PHKB: variants seen among roughly 807,000 people sequenced by gnomAD.
PHKB encodes the protein phosphorylase kinase regulatory subunit beta, also known as phosphorylase b kinase regulatory subunit beta.
In PHKB, 122 loss-of-function variants were observed where a neutral mutation model predicts 152.1. The ratio of observed to expected loss-of-function variants is 0.80; its 90% CI spans 0.69 to 0.93. The LOEUF (loss-of-function observed/expected upper bound fraction) is 0.93, where lower values mean the gene tolerates loss of function less well. PHKB is among the 40% of genes least tolerant of loss of function. The pLI is 0.00. For missense variants in PHKB, 1,304 were observed against 1,328.4 expected (o/e 0.98, Z 0.29); for synonymous variants, 436 against 464.9 (o/e 0.94, Z 0.80).
chr16:47,692,842 T>A (rs1974085534), intron 27 of PHKB, among the ~76,000 whole-genome samples: 1 of 152,200 alleles, frequency 6.6e-6, no homozygotes. Flanking sequence ...TTTAGCTATG[T>A]CTAAATAGCA....
intron 14 of PHKB, among the ~76,000 whole-genome samples, chr16:47,621,384 A>G (rs371207192): frequency 1.3e-5 from 2 of 152,150 alleles, no homozygotes; most frequent in Non-Finnish European, 2.9e-5. Flanking sequence ...CTCCTACAAT[A>G]TGGACTTGTA....
At chr16:47,670,695 G>A (rs1973622374) in intron 26 of PHKB, among the ~76,000 whole-genome samples, 1 of 151,946 alleles carries the variant, frequency 6.6e-6, no homozygotes, top group South Asian at 2.1e-4. Flanking sequence ...TCACCATGTT[G>A]GCCAAGCTGG....
chr16:47,648,713 A>G (rs922772384), intron 17 of PHKB, 97 bp downstream of exon 17: 21 of 800,156 alleles, frequency 2.6e-5, no homozygotes, highest in Non-Finnish European at 4.7e-5. Flanking sequence ...CATTTTCATT[A>G]TGTACTCAGA....
At chr16:47,629,754 G>A (rs1478840236) in intron 14 of PHKB, among the ~76,000 whole-genome samples, 1 of 152,160 alleles carries the variant, frequency 6.6e-6, no homozygotes, top group Non-Finnish European at 1.5e-5. Context: ...ATTCACAATA[G>A]CAAAGACTTG....
intron 7 of PHKB, among the ~76,000 whole-genome samples, chr16:47,578,136 CTATTA>C (rs1971780526): frequency 6.6e-6 from 1 of 152,142 alleles, no homozygotes; most frequent in African/African-American, 2.4e-5. Flanking sequence ...TTTATTTACA[CTATTA>C]TATTTCTCAA....
At chr16:47,688,984 C>A in intron 26 of PHKB, 57 bp from the exon 27 acceptor site, 1 of 1,590,546 alleles carries the variant, frequency 6.3e-7, no homozygotes, top group Non-Finnish European at 8.6e-7. Flanking sequence ...CTGAGAGAAG[C>A]AGAAGGTGAT....
intron 16 of PHKB, 102 bp downstream of exon 16, chr16:47,641,794 G>T: frequency 1.4e-6 from 1 of 734,982 alleles, no homozygotes; most frequent in South Asian, 1.4e-5. Context: ...ATCTGATTCT[G>T]ATATAGGACC....
intron 7 of PHKB, among the ~76,000 whole-genome samples, chr16:47,553,953 C>G (rs1971320132): frequency 6.6e-6 from 1 of 152,140 alleles, no homozygotes; most frequent in African/African-American, 2.4e-5. Flanking sequence ...AGCTGGATCT[C>G]TCCTGTATGA....
intron 10 of PHKB, among the ~76,000 whole-genome samples, chr16:47,591,527 A>G (rs1315202202): frequency 2.0e-5 from 3 of 151,250 alleles, no homozygotes; most frequent in Non-Finnish European, 4.4e-5. Context: ...TTTATTCTCC[A>G]CTTCTCTCAC....
intron 7 of PHKB, among the ~76,000 whole-genome samples, chr16:47,551,171 A>G (rs1025580109): frequency 1.3e-5 from 2 of 151,976 alleles, no homozygotes; most frequent in Non-Finnish European, 2.9e-5. Context: ...CAGCTCTTGG[A>G]TTCCTTGATT....
At chr16:47,519,483 C>T (rs575958049) in intron 6 of PHKB, among the ~76,000 whole-genome samples, 1 of 152,316 alleles carries the variant, frequency 6.6e-6, no homozygotes, top group South Asian at 2.1e-4. Context: ...GGAAGACCCA[C>T]TTCTGAGATG....
At chr16:47,698,382 T>C (rs1271689773) in intron 29 of PHKB, 66 bp from the exon 30 acceptor site, 14 of 1,198,594 alleles carry the variant, frequency 1.2e-5, no homozygotes, top group Middle Eastern at 2.4e-4. Flanking sequence ...ATCCATCTGA[T>C]CAAAGGGTGA....
intron 23 of PHKB, among the ~76,000 whole-genome samples, chr16:47,662,598 TG>T (rs1409054496): frequency 6.6e-6 from 1 of 152,220 alleles, no homozygotes; most frequent in African/African-American, 2.4e-5. Flanking sequence ...ACTTAGTTTT[TG>T]CCTTATTATA....
intron 1 of PHKB, among the ~76,000 whole-genome samples, chr16:47,492,382 G>GA (rs530115726): frequency 2.0e-5 from 3 of 151,646 alleles, no homozygotes; most frequent in East Asian, 1.9e-4. Context: ...CTTCTAAAAG[G>GA]AAAAAAAAGC....
chr16:47,604,332 A>T (rs1972286709), intron 13 of PHKB, among the ~76,000 whole-genome samples: 5 of 152,160 alleles, frequency 3.3e-5, no homozygotes, highest in Non-Finnish European at 7.4e-5. Context: ...ACACACTCAG[A>T]TCTACCAGTG....
At chr16:47,675,847 G>A (rs1352755600) in intron 26 of PHKB, 2 of 152,150 alleles carry the variant, frequency 1.3e-5, no homozygotes, top group African/African-American at 4.8e-5. Flanking sequence ...TTCCACCACA[G>A]TAATAAAGGC....
At chr16:47,527,280 A>T (rs572437042) in intron 6 of PHKB, among the ~76,000 whole-genome samples, 4 of 152,300 alleles carry the variant, frequency 2.6e-5, no homozygotes, top group Admixed American at 1.3e-4. Flanking sequence ...TAGGAAAAGT[A>T]TGCCTTAGTA....
In PHKB at chr16:47,587,766, G is replaced by A. The variant is rs1242723684; in HGVS notation, c.870+3G>A. ...TACCCAGAGAATCAAGATCACATGT[G>A]AGACATTTAATAATGATAAATTTAA... On this transcript the variant is annotated splice_donor_region_variant and intron_variant, in intron 9 of 30. Coordinates refer to ENST00000323584, the MANE Select transcript of PHKB (RefSeq NM_000293.3). 6 of 1,586,566 alleles carry A rather than the reference G, an allele frequency of 3.8e-6. No homozygotes were observed. The South Asian group carries it at 6.6e-5, about 18-fold the overall frequency.
At chr16:47,662,125 A>G (rs964914037) in intron 23 of PHKB, among the ~76,000 whole-genome samples, 3 of 152,150 alleles carry the variant, frequency 2.0e-5, no homozygotes, top group African/African-American at 7.2e-5. Flanking sequence ...TTCCAGTTTT[A>G]TCTTCTCTAA....
Sources: gnomAD v4.1 joint callset for allele counts (sites outside exome capture counted in the v4.1 genomes callset) on GRCh38, gnomAD v4.1.1 for gene constraint, MANE v1.5 for transcripts, NCBI Gene and HGNC (gene_info 2026-07-23, HGNC 2026-07-21) for gene names.